Variants in MARCHF1 observed in about 807,000 individuals in gnomAD.
MARCHF1 encodes the protein membrane associated ring-CH-type finger 1.
MARCHF1 carries 40 observed loss-of-function variants against 54.2 expected under a neutral mutation model. That is an observed-to-expected ratio of 0.74 (90% CI 0.57 to 0.96). The LOEUF (loss-of-function observed/expected upper bound fraction) is 0.96. Among genes scored for constraint, MARCHF1 ranks in the 40% least tolerant of loss-of-function variants. The pLI is 0.00. For missense variants in MARCHF1, 586 were observed against 656.5 expected, an observed-to-expected ratio of 0.89 and a Z score of 1.17; for synonymous variants, 236 against 236.3, an observed-to-expected ratio of 1.00 and a Z score of 0.01.
chr4:163,676,037 A>T (rs1743901659), intron 5 of MARCHF1, among the ~76,000 whole-genome samples: 1 of 28,088 alleles, frequency 3.6e-5, no homozygotes, highest in African/African-American at 1.5e-4. Context: ...TTTCTACTCA[A>T]TCTATGTCAG....
chr4:164,054,187 C>T (rs562574403), intron 2 of MARCHF1, among the ~76,000 whole-genome samples: 47 of 151,794 alleles, frequency 3.1e-4, no homozygotes, highest in South Asian at 8.4e-4. Context: ...CTCACCATCA[C>T]TGGCCATCAG....
chr4:164,209,450 C>T (rs1056217548), intron 1 of MARCHF1, among the ~76,000 whole-genome samples: 4 of 152,060 alleles, frequency 2.6e-5, no homozygotes, highest in Non-Finnish European at 5.9e-5. Flanking sequence ...AACTACAACG[C>T]AATCTGGAGC....
chr4:164,372,509 T>C (rs1174536434), intron 1 of MARCHF1, among the ~76,000 whole-genome samples: 1 of 152,158 alleles, frequency 6.6e-6, no homozygotes, highest in African/African-American at 2.4e-5. Flanking sequence ...AGCATCCACT[T>C]TTCAGTCTTA....
chr4:164,110,907 C>T (rs1445012948), intron 2 of MARCHF1, among the ~76,000 whole-genome samples: 2 of 151,624 alleles, frequency 1.3e-5, no homozygotes, highest in Non-Finnish European at 3.0e-5. Context: ...AAAATTTCAA[C>T]TTTGAGATAC....
chr4:164,255,508 C>G (rs146742764), intron 1 of MARCHF1, among the ~76,000 whole-genome samples: 3 of 151,192 alleles, frequency 2.0e-5, no homozygotes, highest in African/African-American at 7.3e-5. Flanking sequence ...GATATACTTA[C>G]CAATTTAAAA....
intron 4 of MARCHF1, among the ~76,000 whole-genome samples, chr4:163,732,066 A>G (rs567407199): frequency 6.6e-6 from 1 of 152,294 alleles, no homozygotes; most frequent in African/African-American, 2.4e-5. Context: ...GAAGTAGGAA[A>G]TATGTCCTAT....
chr4:163,542,040 G>T (rs894038768), intron 9 of MARCHF1, among the ~76,000 whole-genome samples: 12 of 152,188 alleles, frequency 7.9e-5, no homozygotes, highest in Admixed American at 2.6e-4. Flanking sequence ...AATTACCACG[G>T]ACACTGCTTC....
intron 1 of MARCHF1, among the ~76,000 whole-genome samples, chr4:164,261,846 G>A (rs79695548): frequency 0.012 from 1,858 of 152,224 alleles, 43 homozygotes; most frequent in East Asian, 0.1. Flanking sequence ...CCATAAGAAT[G>A]GAAAGAAAGT....
At chr4:164,159,321 C>A (rs1187708880) in intron 1 of MARCHF1, among the ~76,000 whole-genome samples, 1 of 152,132 alleles carries the variant, frequency 6.6e-6, no homozygotes, top group Non-Finnish European at 1.5e-5. Context: ...TATTTAATCT[C>A]TGTTAAATAA....
intron 3 of MARCHF1, among the ~76,000 whole-genome samples, chr4:163,917,364 C>T (rs887567911): frequency 6.6e-6 from 1 of 152,034 alleles, no homozygotes; most frequent in Non-Finnish European, 1.5e-5. Flanking sequence ...CAACAATGTA[C>T]CATTTTGCAT....
At chr4:163,763,189 C>G (rs570042747) in intron 4 of MARCHF1, among the ~76,000 whole-genome samples, 1 of 152,092 alleles carries the variant, frequency 6.6e-6, no homozygotes, top group African/African-American at 2.4e-5. Flanking sequence ...AATCTGAGAA[C>G]AGAAATCAAG....
At chr4:163,570,397 C>G (rs993739650) in intron 8 of MARCHF1, among the ~76,000 whole-genome samples, 2 of 151,998 alleles carry the variant, frequency 1.3e-5, no homozygotes, top group Non-Finnish European at 2.9e-5. Context: ...TTCAACGGAA[C>G]CCCCAAAAGT....
chr4:163,697,946 A>T (rs1235606947), intron 5 of MARCHF1, among the ~76,000 whole-genome samples: 1 of 152,194 alleles, frequency 6.6e-6, no homozygotes, highest in African/African-American at 2.4e-5. Context: ...GCTGAAAAAG[A>T]TATTTATTGA....
rs1350096363 is a variant in MARCHF1, at chr4:163,935,697, GCTTTCT to G, written c.-39+52798_-39+52803del. ...TATCAACAACAAGGCTGTTTTGCTT[GCTTTCT>G]TTTTTTTTTTTTTTTTTTTTTATTA... On this transcript the variant is annotated intron_variant, in intron 3 of 9. Transcript: ENST00000514618. Among the ~76,000 whole-genome samples the G allele has an allele frequency of 4.1e-4, 40 of 98,726 alleles. No homozygotes were observed. The Admixed American group carries it at 5.1e-3, about 12-fold the overall frequency. The allele number at this position is 98,726 out of a possible 152,430, so 64.8% of individuals were successfully genotyped here.
At chr4:164,332,173 C>T (rs552826747) in intron 1 of MARCHF1, among the ~76,000 whole-genome samples, 161 of 152,258 alleles carry the variant, frequency 1.1e-3, no homozygotes, top group Non-Finnish European at 1.6e-3. Flanking sequence ...AACCTGCCTC[C>T]GTCAGGTCTT....
At chr4:163,551,812 G>A (rs1245778677) in intron 8 of MARCHF1, among the ~76,000 whole-genome samples, 1 of 152,042 alleles carries the variant, frequency 6.6e-6, no homozygotes, top group African/African-American at 2.4e-5. Flanking sequence ...TCTCTCTCTT[G>A]CCTGCTGCCG....
At chr4:163,612,115 C>G (rs1186845034) in intron 7 of MARCHF1, among the ~76,000 whole-genome samples, 156 bp downstream of exon 7, 4 of 152,090 alleles carry the variant, frequency 2.6e-5, no homozygotes, top group African/African-American at 9.7e-5. Context: ...CTGCATTATT[C>G]TTTTCATACC....
chr4:163,886,509 C>A (rs543516757), intron 3 of MARCHF1, among the ~76,000 whole-genome samples: 16 of 151,784 alleles, frequency 1.1e-4, no homozygotes, highest in Admixed American at 3.3e-4. Flanking sequence ...GCAGCATTAA[C>A]AACAAAAAAC....
rs188548011 is a variant in MARCHF1, at chr4:163,568,352, T to C, written c.1191+17397A>G. Among the ~76,000 whole-genome samples, 691 of 152,164 alleles carry C rather than the reference T, an allele frequency of 4.5e-3. 8 individuals are homozygous for C. Among genetic ancestry groups the C allele is most frequent in the African/African-American group, 0.016 (665 of 41,514 alleles). On this transcript the variant is annotated intron_variant, in intron 8 of 9. Coordinates refer to ENST00000514618, the MANE Select transcript of MARCHF1 (RefSeq NM_001394959.1). The stretch of plus-strand genomic sequence containing the variant: ...CAAATTTGGTTAAATTTGGTTAGAG[T>C]GTTTCATTGAAATCAACTTAAGCTG...
Sources: gnomAD v4.1 joint callset for allele counts (sites outside exome capture counted in the v4.1 genomes callset) on GRCh38, gnomAD v4.1.1 for gene constraint, MANE v1.5 for transcripts, NCBI Gene and HGNC (gene_info 2026-07-23, HGNC 2026-07-21) for gene names.